TLL1: variants seen among roughly 807,000 people sequenced by gnomAD.
TLL1 encodes the protein tolloid-like protein 1.
A neutral mutation model predicts 128.2 loss-of-function variants in TLL1; 49 were observed. The ratio of observed to expected loss-of-function variants is 0.38; its 90% CI spans 0.30 to 0.48. The LOEUF (loss-of-function observed/expected upper bound fraction) is 0.48. Ranked by LOEUF, TLL1 falls within the 20% of genes least tolerant of loss-of-function variation. The probability of loss-of-function intolerance (pLI) is 0.96; values close to 1 mark genes in which losing one functional copy is unlikely to be tolerated. For missense variants in TLL1, 1,123 were observed against 1,242.0 expected (o/e 0.90, Z 1.44); for synonymous variants, 454 against 418.8 (o/e 1.08, Z -1.03).
chr4:165,923,258 A>G (rs1314125493), intron 1 of TLL1, among the ~76,000 whole-genome samples: 4 of 152,016 alleles, frequency 2.6e-5, no homozygotes, highest in African/African-American at 9.7e-5. Flanking sequence ...TTTCAGTCTT[A>G]GTCAATAATC....
At position 166,004,546 on chromosome 4, in the gene TLL1, A is replaced by G. The variant is rs571958494; in HGVS notation, c.811+977A>G. Among the ~76,000 whole-genome samples the G allele has an allele frequency of 1.1e-3, 166 of 152,220 alleles. 1 individual carries two copies. Among genetic ancestry groups the G allele is most frequent in the Middle Eastern group, 3.4e-3 (1 of 294 alleles). On this transcript the variant is annotated intron_variant, in intron 6 of 20. Transcript: ENST00000061240. ...GTAATTAGTAATATATGTTGAAAATACCATAGAGTCCAAGCAAGGCATGAC... is the reference window on the plus strand; with the variant it reads ...GTAATTAGTAATATATGTTGAAAATGCCATAGAGTCCAAGCAAGGCATGAC...
intron 1 of TLL1, among the ~76,000 whole-genome samples, chr4:165,958,519 G>A (rs1425820311): frequency 6.7e-6 from 1 of 149,750 alleles, no homozygotes; most frequent in Non-Finnish European, 1.5e-5. Context: ...CTTTTGAGAA[G>A]TGTCTGTTCA....
intron 6 of TLL1, among the ~76,000 whole-genome samples, chr4:166,004,561 C>T (rs988767879): frequency 2.6e-5 from 4 of 151,976 alleles, no homozygotes; most frequent in African/African-American, 9.7e-5. Context: ...AGAGTCCAAG[C>T]AAGGCATGAC....
intron 1 of TLL1, among the ~76,000 whole-genome samples, chr4:165,965,842 G>A (rs994242638): frequency 6.6e-6 from 1 of 152,140 alleles, no homozygotes; most frequent in Non-Finnish European, 1.5e-5. Flanking sequence ...GCACATCATA[G>A]TATTAAGAGT....
Position 166,101,636 on chromosome 4 carries a change from G to A in TLL1, c.*760G>A, listed in dbSNP as rs1742292245. 3 of 152,570 alleles carry A rather than the reference G, an allele frequency of 2.0e-5. No individual in the cohort carries two copies. Among genetic ancestry groups the A allele is most frequent in the South Asian group, 4.1e-4 (2 of 4,824 alleles). The allele number at this position is 152,570 out of a possible 1,614,324, so 9.5% of individuals were successfully genotyped here. The stretch of plus-strand genomic sequence containing the variant: ...CTTAGTTCTTTTTTTTGGAAGTGCT[G>A]CCTTTTCACACCAAATCCAAGAAGC... On this transcript the variant is annotated 3_prime_UTR_variant, in exon 21 of 21. Transcript: ENST00000061240.
chr4:166,042,250 A>C, intron 11 of TLL1, 107 bp downstream of exon 11: 3 of 790,826 alleles, frequency 3.8e-6, no homozygotes, highest in Non-Finnish European at 4.4e-6. Flanking sequence ...AAAATTATGA[A>C]TTTTTCTGAA....
At chr4:165,964,858 G>A (rs762423610) in intron 1 of TLL1, among the ~76,000 whole-genome samples, 6 of 152,042 alleles carry the variant, frequency 3.9e-5, no homozygotes, top group Non-Finnish European at 5.9e-5. Flanking sequence ...GATTGCTTAA[G>A]CCCAGGTGTT....
At chr4:166,083,951 C>A (rs1007931378) in intron 18 of TLL1, among the ~76,000 whole-genome samples, 1 of 152,040 alleles carries the variant, frequency 6.6e-6, no homozygotes, top group Non-Finnish European at 1.5e-5. Context: ...TTTAACTTTT[C>A]GAGGAGACTC....
At chr4:165,914,318 AT>A (rs551966563) in intron 1 of TLL1, among the ~76,000 whole-genome samples, 4 of 152,002 alleles carry the variant, frequency 2.6e-5, no homozygotes, top group Non-Finnish European at 4.4e-5. Context: ...TACTCATGCT[AT>A]TTTTTTCCCC....
In TLL1 at chr4:166,054,504, C is replaced by T. The variant is rs549675708; in HGVS notation, c.1525-572C>T. 1.1e-4 allele frequency among the ~76,000 whole-genome samples: 16 copies of T among 151,768 alleles called. No individual in the cohort carries two copies. In the East Asian group the frequency reaches 2.3e-3, roughly 22 times the overall value. On this transcript the variant is annotated intron_variant, in intron 12 of 20. Coordinates refer to ENST00000061240, the MANE Select transcript of TLL1 (RefSeq NM_012464.5). Reference sequence around the variant, plus strand: ...TATGTATACATGTGCCATGCTGGTGCGCTGCACCCACTAACTCGTCATCTA... The same window carrying T: ...TATGTATACATGTGCCATGCTGGTGTGCTGCACCCACTAACTCGTCATCTA...
chr4:166,035,898 T>C (rs1048199201), intron 9 of TLL1, among the ~76,000 whole-genome samples: 6 of 152,188 alleles, frequency 3.9e-5, no homozygotes, highest in African/African-American at 7.2e-5. Context: ...AGTTTACTGA[T>C]ACCTGATTTA....
intron 1 of TLL1, among the ~76,000 whole-genome samples, chr4:165,945,181 G>A (rs1734188473): frequency 6.6e-6 from 1 of 152,104 alleles, no homozygotes. Context: ...AGCCTTGCCT[G>A]ATGCCACTGA....
At chr4:166,089,954 T>C (rs1560864352) in intron 18 of TLL1, among the ~76,000 whole-genome samples, 1 of 152,062 alleles carries the variant, frequency 6.6e-6, no homozygotes. Flanking sequence ...TAGTGGGTGA[T>C]GTAGTGTGGT....
intron 1 of TLL1, among the ~76,000 whole-genome samples, chr4:165,958,738 G>T (rs1451587602): frequency 8.4e-4 from 124 of 146,750 alleles, no homozygotes; most frequent in Non-Finnish European, 1.2e-3. Context: ...TGTCAATTTT[G>T]TCTTTTGTTG....
chr4:165,901,435 G>A (rs1731982986), intron 1 of TLL1, among the ~76,000 whole-genome samples: 1 of 152,154 alleles, frequency 6.6e-6, no homozygotes, highest in Non-Finnish European at 1.5e-5. Context: ...TTGTGTGGAT[G>A]TCATTTTGGT....
At chr4:166,006,153 T>C (rs558175835) in intron 6 of TLL1, among the ~76,000 whole-genome samples, 56 of 151,936 alleles carry the variant, frequency 3.7e-4, no homozygotes, top group African/African-American at 1.3e-3. Context: ...ATATGCAAAA[T>C]CAGTGATTAT....
chr4:166,088,760 G>C (rs567127614), intron 18 of TLL1, among the ~76,000 whole-genome samples: 1 of 152,232 alleles, frequency 6.6e-6, no homozygotes, highest in Non-Finnish European at 1.5e-5. Flanking sequence ...GCTGTAGCCA[G>C]TTGGCACCAG....
chr4:165,937,970 T>A (rs906553205), intron 1 of TLL1, among the ~76,000 whole-genome samples: 1 of 151,750 alleles, frequency 6.6e-6, no homozygotes. Context: ...CTTTAAAGAA[T>A]TTTCATTTAA....
At chr4:165,875,574 C>T (rs1730689302) in intron 1 of TLL1, among the ~76,000 whole-genome samples, 1 of 152,088 alleles carries the variant, frequency 6.6e-6, no homozygotes, top group Non-Finnish European at 1.5e-5. Context: ...GTTTCTTGGG[C>T]CACCCCGGAT....
Sources: gnomAD v4.1 joint callset for allele counts (sites outside exome capture counted in the v4.1 genomes callset) on GRCh38, gnomAD v4.1.1 for gene constraint, MANE v1.5 for transcripts, NCBI Gene and HGNC (gene_info 2026-07-23, HGNC 2026-07-21) for gene names.